Variants in WDR7 observed in about 807,000 individuals in gnomAD.
The protein encoded by WDR7 is WD repeat-containing protein 7.
WDR7 carries 46 observed loss-of-function variants against 169.4 expected under a neutral mutation model. That is an observed-to-expected ratio of 0.27 (90% confidence interval 0.21 to 0.35). The LOEUF (loss-of-function observed/expected upper bound fraction) is 0.35, where lower values mean the gene tolerates loss of function less well. WDR7 is among the 10% of genes least tolerant of loss of function. The probability of loss-of-function intolerance (pLI) is 1.00; values close to 1 mark genes in which losing one functional copy is unlikely to be tolerated. For synonymous variants in WDR7, 612 were observed against 666.8 expected (o/e 0.92, Z 1.27); for missense variants, 1,534 against 1,859.3 (o/e 0.83, Z 3.22).
At chr18:56,874,937 CCTTACATACGTTAAGCCA>C (rs1249054074) in intron 20 of WDR7, among the ~76,000 whole-genome samples, 1 of 152,070 alleles carries the variant, frequency 6.6e-6, no homozygotes, top group Non-Finnish European at 1.5e-5. Context: ...CTCCTTTTTC[CCTTACATACGTTAAGCCA>C]CTTTCTCACT....
intron 21 of WDR7, among the ~76,000 whole-genome samples, chr18:56,915,912 T>C (rs2046617770): frequency 6.6e-6 from 1 of 152,026 alleles, no homozygotes; most frequent in South Asian, 2.1e-4. Context: ...CATGGAGGAG[T>C]TCTCCCCTCC....
intron 26 of WDR7, among the ~76,000 whole-genome samples, chr18:56,974,360 T>C (rs972547669): frequency 6.9e-6 from 1 of 145,846 alleles, no homozygotes; most frequent in Non-Finnish European, 1.5e-5. Context: ...TTGCTTTTCT[T>C]GCTTTTTTTT....
intron 26 of WDR7, among the ~76,000 whole-genome samples, chr18:56,994,378 T>TATG (rs75620052): frequency 0.35 from 53,420 of 151,958 alleles, 10,446 homozygotes; most frequent in African/African-American, 0.52. Flanking sequence ...GTTATGTATG[T>TATG]TCTGTTGAAG....
Position 56,890,615 on chromosome 18 carries a change from T to C in WDR7, c.3526+10450T>C, listed in dbSNP as rs148526265. On this transcript the variant is annotated intron_variant, in intron 21 of 27. Transcript: ENST00000254442. ...AACAGATATTCTTACCATTCACAAA[T>C]AGTTATCAGATTGTGTTGCTGAAAT... Among the ~76,000 whole-genome samples, 361 of 152,280 alleles carry C rather than the reference T, an allele frequency of 2.4e-3. 2 individuals are homozygous for C. Among genetic ancestry groups the C allele is most frequent in the African/African-American group, 8.2e-3 (339 of 41,568 alleles).
At chr18:56,896,886 A>G (rs952886925) in intron 21 of WDR7, among the ~76,000 whole-genome samples, 1 of 151,866 alleles carries the variant, frequency 6.6e-6, no homozygotes, top group Non-Finnish European at 1.5e-5. Context: ...AGTGAAAAAT[A>G]AAGGTACAAA....
intron 15 of WDR7, among the ~76,000 whole-genome samples, chr18:56,758,034 T>C (rs1213331406): frequency 6.6e-6 from 1 of 152,116 alleles, no homozygotes; most frequent in Non-Finnish European, 1.5e-5. Flanking sequence ...ATGATTGACG[T>C]GTTCAGAGAT....
chr18:56,927,182 GT>G (rs1178233852), intron 22 of WDR7, among the ~76,000 whole-genome samples: 1 of 152,136 alleles, frequency 6.6e-6, no homozygotes, highest in Non-Finnish European at 1.5e-5. Flanking sequence ...AACCAATCAG[GT>G]CCCCTGCCTT....
chr18:56,986,738 A>AT (rs554798696), intron 26 of WDR7, among the ~76,000 whole-genome samples: 149 of 152,258 alleles, frequency 9.8e-4, no homozygotes, highest in African/African-American at 3.1e-3. Flanking sequence ...AAATAAAAAA[A>AT]AAATAAAAAT....
intron 2 of WDR7, among the ~76,000 whole-genome samples, chr18:56,677,602 G>T (rs369666399): frequency 2.6e-5 from 4 of 152,158 alleles, no homozygotes; most frequent in African/African-American, 9.6e-5. Context: ...CACCCACCTC[G>T]GACCTCCCAG....
chr18:56,688,956 T>A (rs2144607345), intron 7 of WDR7, among the ~76,000 whole-genome samples: 1 of 152,196 alleles, frequency 6.6e-6, no homozygotes, highest in South Asian at 2.1e-4. Flanking sequence ...ACATAGATGA[T>A]GAAGAATTGT....
chr18:56,694,606 CT>C lies in WDR7; in HGVS notation c.967-6del. On this transcript the variant is annotated splice_polypyrimidine_tract_variant and intron_variant, in intron 9 of 27. Transcript: ENST00000254442. ...AAATACAGCTAAAGATATTCAAATA[CT>C]TTTTTTGGCAGTTGCTAATTTGTCC... The C allele has an allele frequency of 2.5e-6, 4 of 1,598,240 alleles. No homozygotes were observed. The highest frequency in any genetic ancestry group is 1.7e-5 in the Admixed American group (1 of 58,846).
chr18:56,822,177 TC>T (rs1205385379), intron 20 of WDR7, among the ~76,000 whole-genome samples: 1 of 152,190 alleles, frequency 6.6e-6, no homozygotes, highest in African/African-American at 2.4e-5. Context: ...GCATATTCGT[TC>T]TTTAAATTTT....
At chr18:56,968,666 T>C (rs537431901) in intron 26 of WDR7, among the ~76,000 whole-genome samples, 5 of 152,316 alleles carry the variant, frequency 3.3e-5, no homozygotes, top group African/African-American at 1.2e-4. Flanking sequence ...AGGTAAATTC[T>C]GGAACGTTAA....
chr18:56,690,447 T>C (rs773753138), intron 7 of WDR7, among the ~76,000 whole-genome samples: 1 of 152,164 alleles, frequency 6.6e-6, no homozygotes, highest in Non-Finnish European at 1.5e-5. Context: ...TTTAGAACAT[T>C]GATGAAATAA....
intron 19 of WDR7, among the ~76,000 whole-genome samples, chr18:56,793,697 A>G (rs1389177844): frequency 6.6e-6 from 1 of 152,206 alleles, no homozygotes; most frequent in East Asian, 1.9e-4. Context: ...TAAGGTGATC[A>G]TGGTAAAAAG....
chr18:56,728,750 C>T (rs1055971632), intron 13 of WDR7, among the ~76,000 whole-genome samples: 1 of 152,184 alleles, frequency 6.6e-6, no homozygotes, highest in East Asian at 1.9e-4. Flanking sequence ...TACTGGGCTG[C>T]GTCACTGTGT....
intron 14 of WDR7, among the ~76,000 whole-genome samples, chr18:56,751,865 A>G (rs1342051541): frequency 2.0e-5 from 3 of 152,246 alleles, no homozygotes. Context: ...AGGGTAATGT[A>G]CACATTTTTC....
At chr18:56,671,115 C>T (rs76421577) in intron 1 of WDR7, among the ~76,000 whole-genome samples, 15 of 152,246 alleles carry the variant, frequency 9.9e-5, no homozygotes, top group Non-Finnish European at 2.2e-4. Flanking sequence ...ATTACTATCT[C>T]AAATTTAAAT....
chr18:56,751,074 CTT>C (rs1380833263), intron 14 of WDR7, among the ~76,000 whole-genome samples: 6 of 151,408 alleles, frequency 4.0e-5, no homozygotes, highest in Non-Finnish European at 8.8e-5. Flanking sequence ...TTTTTAAACT[CTT>C]TTTCTGTGGA....
Sources: allele counts gnomAD v4.1 joint callset (sites outside exome capture counted in the v4.1 genomes callset), GRCh38; gene constraint gnomAD v4.1.1; transcripts MANE v1.5; gene names NCBI Gene and HGNC (gene_info 2026-07-23, HGNC 2026-07-21).